The following FRAS1 variants were observed in gnomAD, a reference collection of about 807,000 sequenced individuals.
FRAS1 encodes Fraser extracellular matrix complex subunit 1, also known as extracellular matrix organizing protein FRAS1.
Under a neutral mutation model 435.2 loss-of-function variants are expected in FRAS1, and 290 were observed. The observed-to-expected ratio is 0.67, with a 90% CI of 0.61 to 0.73. The LOEUF (loss-of-function observed/expected upper bound fraction) is 0.73. Ranked by LOEUF, FRAS1 falls within the 30% of genes least tolerant of loss-of-function variation. The probability of loss-of-function intolerance (pLI) is 0.00; values close to 1 mark genes in which losing one functional copy is unlikely to be tolerated. For missense variants in FRAS1, 4,860 were observed against 5,001.5 expected, an observed-to-expected ratio of 0.97 and a Z score of 0.85; for synonymous variants, 1,800 against 1,851.0, an observed-to-expected ratio of 0.97 and a Z score of 0.71.
intron 53 of FRAS1, among the ~76,000 whole-genome samples, chr4:78,474,044 G>A (rs1295472805): frequency 2.6e-5 from 4 of 152,146 alleles, no homozygotes; most frequent in Non-Finnish European, 5.9e-5. Flanking sequence ...AATAAAAATA[G>A]GCATTCAAGT....
At chr4:78,355,722 G>T (rs142865513) in intron 20 of FRAS1, among the ~76,000 whole-genome samples, 1 of 152,114 alleles carries the variant, frequency 6.6e-6, no homozygotes, top group East Asian at 1.9e-4. Flanking sequence ...AACAGTGACC[G>T]TATACACTTC....
At chr4:78,089,441 TA>T (rs973145325) in intron 2 of FRAS1, among the ~76,000 whole-genome samples, 5 of 151,664 alleles carry the variant, frequency 3.3e-5, no homozygotes, top group Non-Finnish European at 7.4e-5. Flanking sequence ...ATAATAAAGT[TA>T]AAAAAAATAA....
intron 41 of FRAS1, 138 bp from the exon 42 acceptor site, chr4:78,445,384 G>A: frequency 1.7e-6 from 2 of 1,161,830 alleles, no homozygotes; most frequent in Non-Finnish European, 2.3e-6. Context: ...CTGGTCTTGT[G>A]CTTATCCCAC....
intron 10 of FRAS1, among the ~76,000 whole-genome samples, chr4:78,279,859 G>T (rs1727246059): frequency 6.6e-6 from 1 of 152,116 alleles, no homozygotes; most frequent in Admixed American, 6.6e-5. Context: ...CAGAATATGT[G>T]CCAAGGCCCC....
chr4:78,534,696 T>G, intron 71 of FRAS1, 81 bp downstream of exon 71: 26 of 1,352,686 alleles, frequency 1.9e-5, no homozygotes, highest in African/African-American at 2.9e-5. Flanking sequence ...CTGGCATCTC[T>G]GCTCATATGC....
intron 2 of FRAS1, among the ~76,000 whole-genome samples, chr4:78,133,191 A>T (rs928703183): frequency 6.6e-6 from 1 of 152,248 alleles, no homozygotes; most frequent in Non-Finnish European, 1.5e-5. Context: ...TTTGGCCATA[A>T]GAATGAGATT....
intron 70 of FRAS1, among the ~76,000 whole-genome samples, chr4:78,529,754 A>G (rs1386363858): frequency 2.0e-5 from 3 of 152,210 alleles, no homozygotes; most frequent in African/African-American, 7.2e-5. Context: ...CAATGTGGAG[A>G]TGCTGAACAA....
chr4:78,430,219 C>A (rs72869919), intron 36 of FRAS1, 73 bp from the exon 37 acceptor site: 23 of 1,584,876 alleles, frequency 1.5e-5, no homozygotes, highest in Non-Finnish European at 2.0e-5. Flanking sequence ...GCCTGGCCTG[C>A]GGTTTTAATA....
At chr4:78,254,640 C>T (rs1725702262) in intron 5 of FRAS1, among the ~76,000 whole-genome samples, 3 of 152,112 alleles carry the variant, frequency 2.0e-5, no homozygotes. Flanking sequence ...ATGAGAAAGA[C>T]TTTGGACGTA....
chr4:78,391,034 G>A (rs575233631), intron 29 of FRAS1, among the ~76,000 whole-genome samples: 1 of 151,962 alleles, frequency 6.6e-6, no homozygotes, highest in African/African-American at 2.4e-5. Context: ...ACCTTTTTTG[G>A]TTTTTTTTGG....
At chr4:78,478,722 G>C (rs970029591) in intron 55 of FRAS1, among the ~76,000 whole-genome samples, 1 of 152,104 alleles carries the variant, frequency 6.6e-6, no homozygotes, top group African/African-American at 2.4e-5. Context: ...ATGATTTTGG[G>C]TTTCTTTCTT....
intron 11 of FRAS1, among the ~76,000 whole-genome samples, chr4:78,282,031 C>T (rs745706508): frequency 2.0e-5 from 3 of 152,146 alleles, no homozygotes; most frequent in Non-Finnish European, 4.4e-5. Flanking sequence ...TGCTAAATAC[C>T]GTCACATTAA....
intron 63 of FRAS1, among the ~76,000 whole-genome samples, chr4:78,510,015 G>A (rs912648129): frequency 3.9e-5 from 6 of 152,248 alleles, no homozygotes; most frequent in Admixed American, 2.0e-4. Context: ...ATGCAGGGTC[G>A]TTCATACCCA....
intron 2 of FRAS1, among the ~76,000 whole-genome samples, chr4:78,140,486 A>ATTTGTAAAATGATAATGTT (rs1459492456): frequency 4.6e-5 from 7 of 152,202 alleles, no homozygotes; most frequent in African/African-American, 1.7e-4. Context: ...TCACCTCTGA[A>ATTTGTAAAATGATAATGTT]CCACAGTTTC....
At chr4:78,188,639 T>C (rs1033471640) in intron 2 of FRAS1, among the ~76,000 whole-genome samples, 1 of 152,200 alleles carries the variant, frequency 6.6e-6, no homozygotes, top group Non-Finnish European at 1.5e-5. Flanking sequence ...TTCACAGTAA[T>C]GCCTAGATTA....
chr4:78,083,583 C>T (rs1288626603), intron 2 of FRAS1, among the ~76,000 whole-genome samples: 4 of 144,152 alleles, frequency 2.8e-5, no homozygotes, highest in Non-Finnish European at 6.0e-5. Flanking sequence ...AAAAATACTT[C>T]GTTATTGTTT....
At chr4:78,102,245 G>A (rs1742168204) in intron 2 of FRAS1, among the ~76,000 whole-genome samples, 2 of 152,176 alleles carry the variant, frequency 1.3e-5, no homozygotes, top group Admixed American at 6.5e-5. Flanking sequence ...ACCACCAGAA[G>A]TATTTCTACA....
chr4:78,427,641 A>G (rs1005218220), intron 35 of FRAS1, among the ~76,000 whole-genome samples: 4 of 152,238 alleles, frequency 2.6e-5, no homozygotes, highest in Non-Finnish European at 5.9e-5. Context: ...GATCAAATGT[A>G]AAGAAGCAAT....
Position 78,315,742 on chromosome 4 carries a change from A to C in FRAS1, c.1819+8A>C. 6.2e-7 allele frequency: 1 copy of C among 1,613,876 alleles called. No individual in the cohort carries two copies. The highest frequency in any genetic ancestry group is 8.5e-7 in the Non-Finnish European group (1 of 1,179,802). The stretch of plus-strand genomic sequence containing the variant: ...CCACTGGCAGGTGCAAAGGTAAGAG[A>C]TGGGTCACCATCATCATCATCAAAA... On this transcript the variant is annotated splice_region_variant and intron_variant, in intron 16 of 73. Transcript: ENST00000512123.
Sources: allele counts gnomAD v4.1 joint callset (sites outside exome capture counted in the v4.1 genomes callset), GRCh38; gene constraint gnomAD v4.1.1; transcripts MANE v1.5; gene names NCBI Gene and HGNC (gene_info 2026-07-23, HGNC 2026-07-21).